GABRB1: variants seen among roughly 807,000 people sequenced by gnomAD.
GABRB1 encodes the protein gamma-aminobutyric acid type A receptor subunit beta1.
GABRB1 carries 17 observed loss-of-function variants against 51.6 expected under a neutral mutation model. The observed-to-expected ratio is 0.33, with a 90% CI of 0.23 to 0.49. The LOEUF (loss-of-function observed/expected upper bound fraction) is 0.49. Ranked by LOEUF, GABRB1 falls within the 20% of genes least tolerant of loss-of-function variation. GABRB1 has a pLI of 0.99. For missense variants in GABRB1, 410 were observed against 600.6 expected, an observed-to-expected ratio of 0.68 and a Z score of 3.32; for synonymous variants, 247 against 218.9, an observed-to-expected ratio of 1.13 and a Z score of -1.14.
At chr4:47,188,820 G>A (rs1367826268) in intron 4 of GABRB1, among the ~76,000 whole-genome samples, 1 of 151,874 alleles carries the variant, frequency 6.6e-6, no homozygotes, top group Non-Finnish European at 1.5e-5. Flanking sequence ...GTGACTTCCT[G>A]GCTTATGTAA....
intron 8 of GABRB1, among the ~76,000 whole-genome samples, chr4:47,421,962 A>G (rs961967430): frequency 6.6e-6 from 1 of 152,110 alleles, no homozygotes; most frequent in African/African-American, 2.4e-5. Context: ...TCCTTTAAGG[A>G]ATTCAAGCAT....
At chr4:46,999,199 G>T (rs147406395) in intron 1 of GABRB1, among the ~76,000 whole-genome samples, 1,806 of 152,190 alleles carry the variant, frequency 0.012, 16 homozygotes, top group Middle Eastern at 0.058. Flanking sequence ...AATACTGGAG[G>T]TATGATTCAT....
At chr4:47,315,944 A>G (rs917010694) in intron 4 of GABRB1, among the ~76,000 whole-genome samples, 6 of 151,964 alleles carry the variant, frequency 3.9e-5, no homozygotes, top group African/African-American at 4.8e-5. Context: ...TACTATGACT[A>G]TTACCTGGGT....
chr4:47,354,976 C>CTTT (rs1553877819), intron 5 of GABRB1, among the ~76,000 whole-genome samples: 8 of 82,472 alleles, frequency 9.7e-5, no homozygotes, highest in African/African-American at 2.0e-4. Flanking sequence ...TTCTTTCTTC[C>CTTT]TTTGTTTTTT....
At chr4:47,321,733 A>G (rs764944504) in intron 5 of GABRB1, among the ~76,000 whole-genome samples, 4 of 151,388 alleles carry the variant, frequency 2.6e-5, no homozygotes, top group African/African-American at 4.9e-5. Context: ...TCCCATACAT[A>G]TTAGTTGTTT....
chr4:46,998,627 G>A (rs150289418), intron 1 of GABRB1, among the ~76,000 whole-genome samples: 10,467 of 151,530 alleles, frequency 0.069, 455 homozygotes, highest in South Asian at 0.18. Context: ...CCAGCTACTC[G>A]GGAGGCTGAG....
chr4:47,202,579 G>C (rs1046334410), intron 4 of GABRB1, among the ~76,000 whole-genome samples: 1 of 152,088 alleles, frequency 6.6e-6, no homozygotes, highest in Non-Finnish European at 1.5e-5. Flanking sequence ...GTAGTCAACT[G>C]GTTCCCACAG....
intron 5 of GABRB1, among the ~76,000 whole-genome samples, chr4:47,388,447 A>C (rs1727874485): frequency 1.3e-5 from 2 of 152,158 alleles, no homozygotes; most frequent in Admixed American, 1.3e-4. Context: ...ACCTTGCTTT[A>C]GGTGTGTTAG....
chr4:47,366,208 A>G (rs7698812), intron 5 of GABRB1, among the ~76,000 whole-genome samples: 80,433 of 151,958 alleles, frequency 0.53, 21,783 homozygotes, highest in African/African-American at 0.58. Context: ...GTCCAAATTT[A>G]TCTGTATATT....
chr4:47,229,505 T>C (rs972814748), intron 4 of GABRB1, among the ~76,000 whole-genome samples: 2 of 152,176 alleles, frequency 1.3e-5, no homozygotes, highest in African/African-American at 4.8e-5. Context: ...CCATGGCGTC[T>C]ATGGTCACCT....
chr4:46,996,118 A>G (rs1723988058), intron 1 of GABRB1, among the ~76,000 whole-genome samples: 1 of 149,000 alleles, frequency 6.7e-6, no homozygotes, highest in Non-Finnish European at 1.5e-5. Context: ...GTTATAATTT[A>G]CTTTAACTTA....
chr4:47,271,985 T>C (rs1722890461), intron 4 of GABRB1, among the ~76,000 whole-genome samples: 1 of 73,128 alleles, frequency 1.4e-5, no homozygotes, highest in African/African-American at 6.0e-5. Context: ...CACATTTTCA[T>C]TAGTTACACA....
intron 4 of GABRB1, among the ~76,000 whole-genome samples, chr4:47,222,599 C>T (rs1213740296): frequency 6.6e-6 from 1 of 152,080 alleles, no homozygotes; most frequent in Non-Finnish European, 1.5e-5. Context: ...GTGAGTGAAG[C>T]CATCTTAGAC....
intron 4 of GABRB1, among the ~76,000 whole-genome samples, chr4:47,307,916 A>G (rs1724528835): frequency 6.6e-6 from 1 of 152,060 alleles, no homozygotes; most frequent in South Asian, 2.1e-4. Context: ...CAAAAATATT[A>G]CAATATCCAA....
chr4:47,260,093 C>T (rs922535503), intron 4 of GABRB1, among the ~76,000 whole-genome samples: 1 of 152,126 alleles, frequency 6.6e-6, no homozygotes, highest in Admixed American at 6.5e-5. Flanking sequence ...CCTTCTTTGT[C>T]TCTTTTGATC....
chr4:47,143,004 T>C (rs1337862930), intron 3 of GABRB1, among the ~76,000 whole-genome samples: 1 of 151,922 alleles, frequency 6.6e-6, no homozygotes, highest in Non-Finnish European at 1.5e-5. Flanking sequence ...TTGACCATCC[T>C]GCTTGGAGCC....
Position 47,129,958 on chromosome 4 carries a change from T to C in GABRB1, c.241-31291T>C, listed in dbSNP as rs557886614. The stretch of plus-strand genomic sequence containing the variant: ...ATATAATCTGCCTTTACTTTTCAAG[T>C]GTAAAACATTGTGTTTTATTTTTAA... On this transcript the variant is annotated intron_variant, in intron 3 of 8. Transcript: ENST00000295454. 5.9e-5 allele frequency among the ~76,000 whole-genome samples: 9 copies of C among 152,324 alleles called. No individual in the cohort carries two copies. The East Asian group carries it at 1.7e-3, about 29-fold the overall frequency.
intron 3 of GABRB1, among the ~76,000 whole-genome samples, chr4:47,039,809 T>C (rs1725751356): frequency 1.3e-5 from 2 of 152,182 alleles, no homozygotes; most frequent in African/African-American, 2.4e-5. Flanking sequence ...ATAATTCCTA[T>C]TGCGAAAACT....
intron 8 of GABRB1, among the ~76,000 whole-genome samples, chr4:47,423,108 A>G (rs1729140959): frequency 6.6e-6 from 1 of 151,538 alleles, no homozygotes; most frequent in Admixed American, 6.6e-5. Context: ...AATATATGCT[A>G]AAGGATATGT....
Sources: gnomAD v4.1 joint callset for allele counts (sites outside exome capture counted in the v4.1 genomes callset) on GRCh38, gnomAD v4.1.1 for gene constraint, MANE v1.5 for transcripts, NCBI Gene and HGNC (gene_info 2026-07-23, HGNC 2026-07-21) for gene names.